The following DES variants were observed in gnomAD, a reference collection of about 807,000 sequenced individuals.
DES encodes desmin, also known as cardiomyopathy, dilated 1F (autosomal dominant).
Under a neutral mutation model 55.1 loss-of-function variants are expected in DES, and 34 were observed. That is an observed-to-expected ratio of 0.62 (90% confidence interval 0.47 to 0.82). The LOEUF (loss-of-function observed/expected upper bound fraction) is 0.82. Among genes scored for constraint, DES ranks in the 40% least tolerant of loss-of-function variants. DES has a pLI of 0.00. For synonymous variants in DES, 259 were observed against 270.8 expected (o/e 0.96, Z 0.43); for missense variants, 596 against 645.9 (o/e 0.92, Z 0.84).
In DES at chr2:219,426,029, CT is replaced by C. The variant is rs1954530107; in HGVS notation, c.*40del. On this transcript the variant is annotated 3_prime_UTR_variant, in exon 9 of 9. Coordinates refer to ENST00000373960, the MANE Select transcript of DES (RefSeq NM_001927.4). This position sits in a 1 kb window ranked among gnomAD's most constrained non-coding sequence, Gnocchi z 4.5. Reference sequence around the variant, plus strand: ...CTGCCACCAGAGACCGTCCTCACCCCTGTCCTCACTGCTCCCTGAAGCCAGC... The same window carrying C: ...CTGCCACCAGAGACCGTCCTCACCCCGTCCTCACTGCTCCCTGAAGCCAGC... 6.2e-7 allele frequency: 1 copy of C among 1,610,760 alleles called. No individual in the cohort carries two copies. The highest frequency in any genetic ancestry group is 8.5e-7 in the Non-Finnish European group (1 of 1,177,260).
chr2:219,420,555 T>C lies in DES; in HGVS notation c.796T>C (p.Ser266Pro), dbSNP rs1342331264. 1 of 1,613,852 alleles carries C rather than the reference T, an allele frequency of 6.2e-7. No individual in the cohort carries two copies. Among genetic ancestry groups the C allele is most frequent in the Non-Finnish European group, 8.5e-7 (1 of 1,179,980 alleles). ...GCAGGTCCAGGTGGAGATGGACATG[T>C]CTAAGCCAGACCTCACTGCCGCCCT... is the stretch of plus-strand genomic sequence containing the variant. ...EQQVQVEMDM[S>P]KPDLTAALRD... The change falls in exon 4 of 9, where the codon TCT becomes CCT. Residue 266 changes from serine to proline, a missense_variant. Transcript: ENST00000373960. The surrounding 1 kb of genome is among the most constrained non-coding windows in gnomAD (Gnocchi z 6.0).
intron 6 of DES, among the ~76,000 whole-genome samples, chr2:219,422,358 A>AC (rs1491387819): frequency 1.3e-5 from 2 of 152,114 alleles, no homozygotes; most frequent in Non-Finnish European, 2.9e-5. Flanking sequence ...GGAGGAAAAG[A>AC]CACAGACGTC....
Position 219,420,743 on chromosome 2 carries a change from G to A in DES, c.898-85G>A. 6.2e-7 allele frequency: 1 copy of A among 1,613,542 alleles called. No homozygotes were observed. Among genetic ancestry groups the A allele is most frequent in the East Asian group, 2.2e-5 (1 of 44,882 alleles). On this transcript the variant is annotated intron_variant, in intron 4 of 8. Coordinates refer to ENST00000373960, the MANE Select transcript of DES (RefSeq NM_001927.4). The surrounding 1 kb of genome is among the most constrained non-coding windows in gnomAD (Gnocchi z 6.0). ...GCCTGTGGTACCATCCATGGGAGGA[G>A]AGCCCAGAGGCTTCATGCTCCCTTG...
chr2:219,424,439 C>T (rs900648357), intron 7 of DES, among the ~76,000 whole-genome samples: 1 of 152,196 alleles, frequency 6.6e-6, no homozygotes, highest in Non-Finnish European at 1.5e-5. Flanking sequence ...GAAAGCAAGT[C>T]GGAGTCCTTG....
At position 219,418,389 on chromosome 2, in the gene DES, C is replaced by G; in HGVS notation, c.-74C>G. ...GGCTGGGGGCCCTGTCTCCCCTCGCCGCATCCACTCTCCGGCCGGCCGCCT... is the reference window on the plus strand; with the variant it reads ...GGCTGGGGGCCCTGTCTCCCCTCGCGGCATCCACTCTCCGGCCGGCCGCCT... On this transcript the variant is annotated 5_prime_UTR_variant, in exon 1 of 9. Transcript: ENST00000373960. 6.9e-7 allele frequency: 1 copy of G among 1,449,398 alleles called. No individual in the cohort carries two copies. The highest frequency in any genetic ancestry group is 9.2e-7 in the Non-Finnish European group (1 of 1,090,240). The allele number at this position is 1,449,398 out of a possible 1,614,324, so 89.8% of individuals were successfully genotyped here. A position where few individuals can be genotyped will look rare whatever the true frequency, so the allele number is the denominator to read the frequency against.
rs748158450 is a variant in DES at position 219,418,527 on chromosome 2, C to T, written c.65C>T (p.Pro22Leu). ...SSYRRTFGGA[P>L]GFPLGSPLSS... ...TACCGCCGCACCTTCGGCGGGGCCC[C>T]GGGCTTCCCACTCGGCTCCCCGCTG... The change falls in exon 1 of 9, where the codon CCG becomes CTG. Residue 22 changes from proline to leucine, a missense_variant. Physicochemically the swap from Pro to Leu is moderately conservative, Grantham distance 98. Coordinates refer to ENST00000373960, the MANE Select transcript of DES (RefSeq NM_001927.4). The T allele has an allele frequency of 6.2e-7, 1 of 1,603,644 alleles. No individual in the cohort carries two copies. The highest frequency in any genetic ancestry group is 8.5e-7 in the Non-Finnish European group (1 of 1,176,442).
Position 219,426,274 on chromosome 2 carries a change from G to C in DES, c.*284G>C. On this transcript the variant is annotated 3_prime_UTR_variant, in exon 9 of 9. Coordinates refer to ENST00000373960, the MANE Select transcript of DES (RefSeq NM_001927.4). This position sits in a 1 kb window ranked among gnomAD's most constrained non-coding sequence, Gnocchi z 4.5. ...TGTGCTGGATGGAGCCCAGGCGGGA[G>C]CGGTGGCCCTGTCCCTCCCACCTCT... The C allele has an allele frequency of 1.7e-6, 1 of 583,014 alleles. No individual in the cohort carries two copies. The highest frequency in any genetic ancestry group is 1.9e-5 in the South Asian group (1 of 52,118). The allele number at this position is 583,014 out of a possible 1,614,324, so 36.1% of individuals were successfully genotyped here.
Position 219,419,978 on chromosome 2 carries a change from A to T in DES, c.579-117A>T. On this transcript the variant is annotated intron_variant, in intron 1 of 8. Transcript: ENST00000373960. The surrounding 1 kb of genome is among the most constrained non-coding windows in gnomAD (Gnocchi z 4.3). ...CTCCCTGTCTCTCCTGCCTCTACCC[A>T]GCAGCCAGGCCCTCCCGCTCTGTCC... is the stretch of plus-strand genomic sequence containing the variant. The T allele has an allele frequency of 9.2e-7, 1 of 1,087,714 alleles. No homozygotes were observed. Among genetic ancestry groups the T allele is most frequent in the Non-Finnish European group, 1.4e-6 (1 of 712,284 alleles). The allele number at this position is 1,087,714 out of a possible 1,614,324, so 67.4% of individuals were successfully genotyped here.
At chr2:219,423,869 C>T in intron 7 of DES, 49 bp downstream of exon 7, 1 of 1,600,130 alleles carries the variant, frequency 6.2e-7, no homozygotes, top group African/African-American at 1.3e-5. Flanking sequence ...GGCCAGGAGT[C>T]CAGCATGGGC....
In DES at chr2:219,418,454, G is replaced by A. The variant is rs1359188472; in HGVS notation, c.-9G>A. 3.8e-6 allele frequency: 6 copies of A among 1,577,904 alleles called. No individual in the cohort carries two copies. The highest frequency in any genetic ancestry group is 1.7e-5 in the Admixed American group (1 of 58,186). On this transcript the variant is annotated 5_prime_UTR_variant, in exon 1 of 9. Coordinates refer to ENST00000373960, the MANE Select transcript of DES (RefSeq NM_001927.4). ...CCGTGCGCCCGCCAGCCTCGCCCGC[G>A]CCGTCACCATGAGCCAGGCCTACTC...
chr2:219,425,809 C>T (rs1954525314), intron 8 of DES, 64 bp downstream of exon 8: 1 of 1,596,038 alleles, frequency 6.3e-7, no homozygotes, highest in Admixed American at 1.7e-5. Context: ...GGGGGACTGT[C>T]TTCCACCCAG....
intron 6 of DES, among the ~76,000 whole-genome samples, chr2:219,422,206 A>G (rs1050808232): frequency 1.3e-5 from 2 of 152,158 alleles, no homozygotes; most frequent in African/African-American, 2.4e-5. Context: ...GAGGAGGGAA[A>G]CGGAGGGAGC....
In DES at chr2:219,419,186, T is replaced by C. The variant is rs1342322314; in HGVS notation, c.578+146T>C. The C allele has an allele frequency of 2.7e-6, 4 of 1,459,398 alleles. No individual in the cohort carries two copies. Among genetic ancestry groups the C allele is most frequent in the Middle Eastern group, 2.2e-4 (1 of 4,484 alleles). The allele number at this position is 1,459,398 out of a possible 1,614,324, so 90.4% of individuals were successfully genotyped here. ...CCATGTGGAGAAAGGGTCCTCCACC[T>C]GTGTGTTTCAAGGGGCCGTGACCTC... On this transcript the variant is annotated intron_variant, in intron 1 of 8. Coordinates refer to ENST00000373960, the MANE Select transcript of DES (RefSeq NM_001927.4). The surrounding 1 kb of genome is among the most constrained non-coding windows in gnomAD (Gnocchi z 4.3).
At position 219,420,828 on chromosome 2, in the gene DES, G is replaced by T; in HGVS notation, c.898G>T (p.Val300Leu). ...TTTGGGCCCCTTTCTCTGCCCTTAG[G>T]TGTCAGACCTGACCCAGGCAGCCAA... The part of the protein sequence containing the change: ...SEAEEWYKSK[V>L]SDLTQAANKN... Residue 300 changes from valine to leucine, a missense_variant and splice_region_variant, in exon 5 of 9, where the codon GTG becomes TTG. Coordinates refer to ENST00000373960, the MANE Select transcript of DES (RefSeq NM_001927.4). The surrounding 1 kb of genome is among the most constrained non-coding windows in gnomAD (Gnocchi z 6.0). The T allele has an allele frequency of 1.2e-6, 2 of 1,613,446 alleles. No individual in the cohort carries two copies. Among genetic ancestry groups the T allele is most frequent in the Non-Finnish European group, 1.7e-6 (2 of 1,179,984 alleles).
intron 7 of DES, among the ~76,000 whole-genome samples, chr2:219,424,058 C>G (rs1954493771): frequency 6.6e-6 from 1 of 152,210 alleles, no homozygotes; most frequent in Admixed American, 6.5e-5. Flanking sequence ...TTTACCATGT[C>G]CCCTGCACCT....
Position 219,418,526 on chromosome 2 carries a change from C to T in DES, c.64C>T (p.Pro22Ser). The T allele has an allele frequency of 6.2e-7, 1 of 1,603,850 alleles. No individual in the cohort carries two copies. Among genetic ancestry groups the T allele is most frequent in the Non-Finnish European group, 8.5e-7 (1 of 1,176,516 alleles). Residue 22 changes from proline to serine, a missense_variant, in exon 1 of 9, where the codon CCG (proline) becomes TCG (serine). Transcript: ENST00000373960. ...SSYRRTFGGA[P>S]GFPLGSPLSS... The stretch of plus-strand genomic sequence containing the variant: ...CTACCGCCGCACCTTCGGCGGGGCC[C>T]CGGGCTTCCCACTCGGCTCCCCGCT...
chr2:219,422,463 C>CT (rs71040455), intron 6 of DES, among the ~76,000 whole-genome samples: 3,314 of 103,454 alleles, frequency 0.032, 346 homozygotes, highest in African/African-American at 0.12. Context: ...TGTTCTATAT[C>CT]TTTTTTTTTT....
At position 219,419,186 on chromosome 2, in the gene DES, T is replaced by G; in HGVS notation, c.578+146T>G. On this transcript the variant is annotated intron_variant, in intron 1 of 8. Coordinates refer to ENST00000373960, the MANE Select transcript of DES (RefSeq NM_001927.4). This position sits in a 1 kb window ranked among gnomAD's most constrained non-coding sequence, Gnocchi z 4.3. ...CCATGTGGAGAAAGGGTCCTCCACC[T>G]GTGTGTTTCAAGGGGCCGTGACCTC... 1 of 1,459,400 alleles carries G rather than the reference T, an allele frequency of 6.9e-7. No homozygotes were observed. Among genetic ancestry groups the G allele is most frequent in the African/African-American group, 1.4e-5 (1 of 70,440 alleles). The allele number at this position is 1,459,400 out of a possible 1,614,324, so 90.4% of individuals were successfully genotyped here.
intron 5 of DES, 77 bp downstream of exon 5, chr2:219,421,030 C>T: frequency 1.9e-6 from 3 of 1,557,762 alleles, no homozygotes; most frequent in South Asian, 2.3e-5. Context: ...ACCTTGGGCC[C>T]ATCATAGATC....
Sources: gnomAD v4.1 joint callset for allele counts (sites outside exome capture counted in the v4.1 genomes callset) on GRCh38, gnomAD v4.1.1 for gene constraint, Gnocchi (gnomAD v3.1) non-coding constraint, MANE v1.5 for transcripts, NCBI Gene and HGNC (gene_info 2026-07-23, HGNC 2026-07-21) for gene names.